Variants in DNAH9 observed in about 807,000 individuals in gnomAD.
DNAH9 encodes DNAH9 variant protein.
Under a neutral mutation model 471.6 loss-of-function variants are expected in DNAH9, and 345 were observed. The ratio of observed to expected loss-of-function variants is 0.73; its 90% CI spans 0.67 to 0.80. The LOEUF (loss-of-function observed/expected upper bound fraction) is 0.80. DNAH9 is among the 30% of genes least tolerant of loss of function. The pLI, the probability that DNAH9 is intolerant of heterozygous loss-of-function variation, is 0.00. For missense variants in DNAH9, 5,407 were observed against 5,609.2 expected, an observed-to-expected ratio of 0.96 and a Z score of 1.15; for synonymous variants, 2,093 against 2,123.6, an observed-to-expected ratio of 0.99 and a Z score of 0.40.
At chr17:11,679,668 G>A (rs2074100745) in intron 17 of DNAH9, 89 bp from the exon 18 acceptor site, 1 of 916,280 alleles carries the variant, frequency 1.1e-6, no homozygotes, top group East Asian at 2.4e-5. Context: ...TTTTCATAAT[G>A]ATAGATATTT....
At chr17:11,635,712 A>G (rs2073150696) in intron 8 of DNAH9, among the ~76,000 whole-genome samples, 1 of 152,156 alleles carries the variant, frequency 6.6e-6, no homozygotes. Flanking sequence ...TGGAAGAAAC[A>G]CAGTCTAGGA....
In DNAH9 at chr17:11,757,594, C is replaced by T. The variant is rs775679931; in HGVS notation, c.6897C>T (p.Ser2299=). 3.7e-6 allele frequency: 6 copies of T among 1,613,318 alleles called. No individual in the cohort carries two copies. The highest frequency in any genetic ancestry group is 4.2e-6 in the Non-Finnish European group (5 of 1,179,236). ...PADLGWNPPV[S]SWIEKREIQT... ...ACTTGGGATGGAACCCTCCAGTGAG[C>T]AGCTGGATTGAGAAGAGGGAAATCC... is the stretch of plus-strand genomic sequence containing the variant. The change falls in exon 35 of 69, where the codon AGC becomes AGT. Residue 2299 remains serine (S), a synonymous_variant. Coordinates refer to ENST00000262442, the MANE Select transcript of DNAH9 (RefSeq NM_001372.4).
chr17:11,676,275 C>CTTTTTTT (rs67397847), intron 17 of DNAH9, among the ~76,000 whole-genome samples: 10 of 73,892 alleles, frequency 1.4e-4, no homozygotes, highest in Admixed American at 4.0e-4. Flanking sequence ...CATTTCTGTT[C>CTTTTTTT]TTTTTTTTTT....
chr17:11,931,873 C>T, intron 63 of DNAH9, 141 bp from the exon 64 acceptor site: 3 of 886,232 alleles, frequency 3.4e-6, no homozygotes, highest in Non-Finnish European at 5.4e-6. Flanking sequence ...TCCCCCCAGG[C>T]TGTAGTCTCG....
chr17:11,884,596 T>C (rs890342090), intron 56 of DNAH9: 35 of 456,056 alleles, frequency 7.7e-5, no homozygotes, highest in African/African-American at 6.8e-4. Flanking sequence ...GTAGGAAATA[T>C]GAAAAGCAAT....
intron 48 of DNAH9, among the ~76,000 whole-genome samples, chr17:11,833,375 G>A (rs1164889633): frequency 6.6e-6 from 1 of 152,212 alleles, no homozygotes. Flanking sequence ...TTCAGAGCTT[G>A]CTCTAGCAAG....
chr17:11,883,523 A>G, intron 55 of DNAH9, 63 bp from the exon 56 acceptor site: 1 of 1,575,260 alleles, frequency 6.3e-7, no homozygotes, highest in Non-Finnish European at 8.7e-7. Context: ...CTATTCAGAC[A>G]CATCCTTAGA....
intron 49 of DNAH9, among the ~76,000 whole-genome samples, chr17:11,853,035 G>T (rs578208671): frequency 2.6e-5 from 4 of 151,478 alleles, no homozygotes; most frequent in African/African-American, 4.8e-5. Context: ...TGCCTGAATG[G>T]TCCCTTTAAA....
intron 35 of DNAH9, among the ~76,000 whole-genome samples, chr17:11,762,770 G>GTTTGTTTTTTTTTTTTTT (rs1193246497): frequency 1.2e-4 from 11 of 90,742 alleles, no homozygotes; most frequent in South Asian, 4.1e-4. Context: ...TTTTTTTTTT[G>GTTTGTTTTTTTTTTTTTT]TTTTTTTTTT....
At chr17:11,850,380 G>A (rs1212822065) in intron 49 of DNAH9, among the ~76,000 whole-genome samples, 1 of 152,160 alleles carries the variant, frequency 6.6e-6, no homozygotes, top group African/African-American at 2.4e-5. Flanking sequence ...TAGGCATGGC[G>A]GCTCACGCCT....
chr17:11,640,256 T>C lies in DNAH9; in HGVS notation c.1787-14T>C. On this transcript the variant is annotated splice_polypyrimidine_tract_variant and intron_variant, in intron 9 of 68. Transcript: ENST00000262442. Reference sequence around the variant, plus strand: ...CTCTAGACTCATTTCGGTCTGTCTGTGCCATGTCTCCAGGGTTCTCCCCGG... The same window carrying C: ...CTCTAGACTCATTTCGGTCTGTCTGCGCCATGTCTCCAGGGTTCTCCCCGG... 1 of 1,574,350 alleles carries C rather than the reference T, an allele frequency of 6.4e-7. No homozygotes were observed. Among genetic ancestry groups the C allele is most frequent in the Non-Finnish European group, 8.7e-7 (1 of 1,145,868 alleles).
chr17:11,766,697 G>A (rs906591200), intron 36 of DNAH9, among the ~76,000 whole-genome samples: 4 of 152,176 alleles, frequency 2.6e-5, no homozygotes, highest in South Asian at 2.1e-4. Flanking sequence ...GGGTGCGGTG[G>A]CTCACGCCTG....
intron 61 of DNAH9, among the ~76,000 whole-genome samples, chr17:11,912,357 T>C (rs567032991): frequency 1.3e-5 from 2 of 152,310 alleles, no homozygotes; most frequent in East Asian, 3.9e-4. Flanking sequence ...TAGGTAGAAA[T>C]AGCAAGTTCA....
At chr17:11,826,754 G>A (rs1247197191) in intron 48 of DNAH9, among the ~76,000 whole-genome samples, 2 of 150,426 alleles carry the variant, frequency 1.3e-5, no homozygotes, top group African/African-American at 2.4e-5. Context: ...GAGCCACCGC[G>A]CCCAGCCAGT....
At chr17:11,881,763 T>G (rs564660037) in intron 55 of DNAH9, among the ~76,000 whole-genome samples, 1 of 152,012 alleles carries the variant, frequency 6.6e-6, no homozygotes, top group East Asian at 1.9e-4. Context: ...AATATTAAAA[T>G]TAACTGGGCA....
At chr17:11,766,928 C>T (rs998715879) in intron 36 of DNAH9, among the ~76,000 whole-genome samples, 5 of 151,244 alleles carry the variant, frequency 3.3e-5, no homozygotes, top group African/African-American at 1.2e-4. Flanking sequence ...GAGATCGCGC[C>T]ACTGCCCTCC....
rs191580064 is a variant in DNAH9 at position 11,920,341 on chromosome 17, T to C, written c.11750-3473T>C. 7.1e-3 allele frequency among the ~76,000 whole-genome samples: 1,076 copies of C among 151,542 alleles called. 4 individuals carry two copies. The highest frequency in any genetic ancestry group is 0.012 in the Non-Finnish European group (793 of 67,838). On this transcript the variant is annotated intron_variant, in intron 61 of 68. Coordinates refer to ENST00000262442, the MANE Select transcript of DNAH9 (RefSeq NM_001372.4). ...GGAGTTAAGCTCTTTCAAGATGAGGTTGGGCACAGTGGCTCATGCCTGTAA... is the reference window on the plus strand; with the variant it reads ...GGAGTTAAGCTCTTTCAAGATGAGGCTGGGCACAGTGGCTCATGCCTGTAA...
Position 11,606,124 on chromosome 17 carries a change from C to G in DNAH9, c.418-2005C>G, listed in dbSNP as rs2072498704. ...AAGCTTAATTTGTAAACTTTCCTTC[C>G]TTTTTGAGCTCCCTTTACTGATTGT... On this transcript the variant is annotated intron_variant, in intron 1 of 68. Transcript: ENST00000262442. Among the ~76,000 whole-genome samples, 6 of 152,028 alleles carry G rather than the reference C, an allele frequency of 3.9e-5. No homozygotes were observed. In the South Asian group the frequency reaches 1.2e-3, roughly 32 times the overall value.
chr17:11,787,965 T>C (rs918075108), intron 41 of DNAH9, among the ~76,000 whole-genome samples: 1 of 152,176 alleles, frequency 6.6e-6, no homozygotes, highest in Non-Finnish European at 1.5e-5. Flanking sequence ...GTCTCAGGTA[T>C]GTCTTTATCA....
Sources: gnomAD v4.1 joint callset for allele counts (sites outside exome capture counted in the v4.1 genomes callset) on GRCh38, gnomAD v4.1.1 for gene constraint, MANE v1.5 for transcripts, NCBI Gene and HGNC (gene_info 2026-07-23, HGNC 2026-07-21) for gene names.